The following ATG2B variants were observed in gnomAD, a reference collection of about 807,000 sequenced individuals.
ATG2B encodes the protein autophagy-related protein 2 homolog B.
A neutral mutation model predicts 241.3 loss-of-function variants in ATG2B; 121 were observed. That is an observed-to-expected ratio of 0.50 (90% confidence interval 0.43 to 0.58). The LOEUF (loss-of-function observed/expected upper bound fraction) is 0.58, where lower values mean the gene tolerates loss of function less well. Ranked by LOEUF, ATG2B falls within the 20% of genes least tolerant of loss-of-function variation. The probability of loss-of-function intolerance (pLI) is 0.00; values close to 1 mark genes in which losing one functional copy is unlikely to be tolerated. For synonymous variants in ATG2B, 858 were observed against 876.6 expected (o/e 0.98, Z 0.37); for missense variants, 2,306 against 2,491.6 (o/e 0.93, Z 1.59).
rs750175082 is a variant in ATG2B at position 96,303,205 on chromosome 14, G to A, written c.4893C>T (p.Ser1631=). Residue 1631 remains serine, a synonymous_variant, in exon 33 of 42, where the codon TCC becomes TCT. Coordinates refer to ENST00000359933, the MANE Select transcript of ATG2B (RefSeq NM_018036.7). ...VYPPCKPDCD[S]SLSEHPVSRQ... ...GGGAGACTGGGTGTTCTGAGAGGCT[G>A]GAATCACAATCAGGTTTGCATGGCG... 17 of 1,609,558 alleles carry A rather than the reference G, an allele frequency of 1.1e-5. No homozygotes were observed. The highest frequency in any genetic ancestry group is 1.7e-5 in the Admixed American group (1 of 59,370).
At chr14:96,304,401 G>A in intron 32 of ATG2B, 94 bp downstream of exon 32, 1 of 850,694 alleles carries the variant, frequency 1.2e-6, no homozygotes, top group South Asian at 1.6e-5. Context: ...AAAGGGTTGG[G>A]ACTTAAGGCT....
At chr14:96,315,652 G>T in intron 21 of ATG2B, 69 bp from the exon 22 acceptor site, 1 of 1,269,046 alleles carries the variant, frequency 7.9e-7, no homozygotes, top group Middle Eastern at 1.9e-4. Context: ...CAACTTACAT[G>T]ACTCAAAACA....
rs10454690 is a variant in ATG2B, at chr14:96,291,024, T to A, written c.5580-89A>T. ...AGGGTTTTTTTTTACTTAAAACAAA[T>A]TCTACAAATTATAAGGGCAAATATT... On this transcript the variant is annotated intron_variant, in intron 38 of 41. Transcript: ENST00000359933. 872,484 of 1,191,558 alleles carry A rather than the reference T, an allele frequency of 0.73. 321,437 individuals carry two copies. Among genetic ancestry groups the A allele is most frequent in the African/African-American group, 0.9 (57,955 of 64,682 alleles). The allele number at this position is 1,191,558 out of a possible 1,614,324, so 73.8% of individuals were successfully genotyped here.
intron 41 of ATG2B, among the ~76,000 whole-genome samples, chr14:96,288,893 T>G (rs757059672): frequency 6.6e-5 from 10 of 151,268 alleles, no homozygotes; most frequent in Non-Finnish European, 1.5e-4. Flanking sequence ...ATTCCAACGG[T>G]TACTCCCCAG....
intron 35 of ATG2B, 115 bp from the exon 36 acceptor site, chr14:96,295,282 T>C: frequency 1.9e-6 from 2 of 1,070,744 alleles, no homozygotes; most frequent in Non-Finnish European, 2.7e-6. Flanking sequence ...AATACGATTC[T>C]TGTTACAGAG....
chr14:96,290,135 CT>C lies in ATG2B; in HGVS notation c.5856+300del. 1 of 1,245,140 alleles carries C rather than the reference CT, an allele frequency of 8.0e-7. No individual in the cohort carries two copies. Among genetic ancestry groups the C allele is most frequent in the Middle Eastern group, 2.1e-4 (1 of 4,762 alleles). The allele number at this position is 1,245,140 out of a possible 1,614,324, so 77.1% of individuals were successfully genotyped here. A position where few individuals can be genotyped will look rare whatever the true frequency, so the allele number is the denominator to read the frequency against. On this transcript the variant is annotated intron_variant, in intron 40 of 41. Transcript: ENST00000359933. The surrounding 1 kb of genome is among the most constrained non-coding windows in gnomAD (Gnocchi z 4.4). ...AATACTTCTGTTTAATCTACAACGC[CT>C]TCTTCAAATTTAGCTACGATCCTTT...
intron 34 of ATG2B, among the ~76,000 whole-genome samples, chr14:96,299,708 C>A (rs538440367): frequency 5.7e-4 from 87 of 152,312 alleles, no homozygotes; most frequent in African/African-American, 2.0e-3. Flanking sequence ...TGCTTACTGC[C>A]TGCCCTAAGG....
At chr14:96,325,308 G>C (rs1005308865) in intron 15 of ATG2B, among the ~76,000 whole-genome samples, 1 of 152,086 alleles carries the variant, frequency 6.6e-6, no homozygotes, top group Non-Finnish European at 1.5e-5. Context: ...CAAGTGCTTA[G>C]CATAATATTT....
intron 1 of ATG2B, among the ~76,000 whole-genome samples, chr14:96,350,123 T>A (rs184893312): frequency 4.6e-5 from 7 of 152,030 alleles, no homozygotes; most frequent in African/African-American, 1.7e-4. Context: ...GCCCCTATAC[T>A]CCAGTCTGAG....
At chr14:96,298,013 T>G (rs529042224) in intron 34 of ATG2B, among the ~76,000 whole-genome samples, 27 of 152,210 alleles carry the variant, frequency 1.8e-4, no homozygotes, top group African/African-American at 6.5e-4. Flanking sequence ...CAGGCTGATC[T>G]TGAACTTCTA....
intron 34 of ATG2B, among the ~76,000 whole-genome samples, chr14:96,296,546 G>C (rs1412328552): frequency 6.6e-6 from 1 of 151,998 alleles, no homozygotes; most frequent in African/African-American, 2.4e-5. Context: ...CAGATCATGA[G>C]GTCAGGAGTT....
At chr14:96,306,166 G>A (rs888626071) in intron 30 of ATG2B, among the ~76,000 whole-genome samples, 6 of 152,218 alleles carry the variant, frequency 3.9e-5, no homozygotes, top group East Asian at 3.9e-4. Flanking sequence ...ACATATGGAT[G>A]ATATTACCAT....
rs370784474 is a variant in ATG2B at position 96,341,505 on chromosome 14, G to A, written c.924+17C>T. 2 of 1,547,412 alleles carry A rather than the reference G, an allele frequency of 1.3e-6. No homozygotes were observed. Among genetic ancestry groups the A allele is most frequent in the African/African-American group, 2.8e-5 (2 of 72,448 alleles). ...TTTTATTTTGGTTTTACTACAGAAAGTGAAACAAACACTGACCTTAGCTCC... is the reference window on the plus strand; with the variant it reads ...TTTTATTTTGGTTTTACTACAGAAAATGAAACAAACACTGACCTTAGCTCC... On this transcript the variant is annotated intron_variant, in intron 6 of 41. Transcript: ENST00000359933.
rs72704893 is a variant in ATG2B at position 96,340,246 on chromosome 14, T to C, written c.924+1276A>G. Reference sequence around the variant, plus strand: ...GTGTGTGTGTGTGTATTTATATATATGGACTCATCCTATATATGGACCCAT... The same window carrying C: ...GTGTGTGTGTGTGTATTTATATATACGGACTCATCCTATATATGGACCCAT... On this transcript the variant is annotated intron_variant, in intron 6 of 41. Transcript: ENST00000359933. Among the ~76,000 whole-genome samples the C allele has an allele frequency of 9.2e-3, 1,302 of 141,352 alleles. 9 individuals are homozygous for C. Among genetic ancestry groups the C allele is most frequent in the East Asian group, 0.02 (100 of 4,938 alleles). 92.7% of individuals were successfully genotyped at this position (141,352 alleles called of 152,430 possible).
chr14:96,361,294 CAATA>C (rs1888621088), intron 1 of ATG2B, among the ~76,000 whole-genome samples: 1 of 152,166 alleles, frequency 6.6e-6, no homozygotes, highest in South Asian at 2.1e-4. Flanking sequence ...AATACATACT[CAATA>C]AACATTAACT....
Position 96,362,832 on chromosome 14 carries a change from C to T in ATG2B, c.145G>A (p.Val49Ile). ...GCTCTTACCCATTTGTCCAAGGGGA[C>T]CTGGGCGAGGGACCCGGTGCCTTGG... ...LYQGTGSLAQ[V>I]PLDKWCLNEI... The change falls in exon 1 of 42, where the codon GTC becomes ATC. Residue 49 changes from valine to isoleucine, a missense_variant. By Grantham distance (29) the Val-to-Ile change is conservative. Around this residue, in one of 2 missense-constraint regions of ATG2B, gnomAD observed 1,927 missense variants for 2,011.2 expected, o/e 0.96. Coordinates refer to ENST00000359933, the MANE Select transcript of ATG2B (RefSeq NM_018036.7). 6 of 1,609,446 alleles carry T rather than the reference C, an allele frequency of 3.7e-6. No homozygotes were observed. Among genetic ancestry groups the T allele is most frequent in the Non-Finnish European group, 5.1e-6 (6 of 1,177,506 alleles).
Position 96,331,631 on chromosome 14 carries a change from G to A in ATG2B, c.1475C>T (p.Pro492Leu). Reference protein sequence around the residue: ...HPTPLQKTSLPSRSVSVDESR... With the variant: ...HPTPLQKTSLLSRSVSVDESR... ...TTCATCCACTGAAACAGATCTAGAT[G>A]GGAGAGCTAAAATACAAGTATTAAA... The change falls in exon 11 of 42, where the codon CCA becomes CTA. Residue 492 changes from proline to leucine, a missense_variant. By Grantham distance (98) the Pro-to-Leu change is moderately conservative. Transcript: ENST00000359933. 6.3e-7 allele frequency: 1 copy of A among 1,589,780 alleles called. No homozygotes were observed. The highest frequency in any genetic ancestry group is 1.7e-4 in the Middle Eastern group (1 of 5,914).
chr14:96,354,714 G>A (rs1888426893), intron 1 of ATG2B, among the ~76,000 whole-genome samples: 1 of 152,118 alleles, frequency 6.6e-6, no homozygotes, highest in Non-Finnish European at 1.5e-5. Flanking sequence ...TTCCATAATG[G>A]TTAAACTAAT....
chr14:96,332,802 T>C (rs1030777634), intron 8 of ATG2B, 147 bp from the exon 9 acceptor site: 14 of 496,566 alleles, frequency 2.8e-5, no homozygotes, highest in Non-Finnish European at 4.2e-5. Context: ...TACAGTGGTG[T>C]AATTTATGAG....
Sources: allele counts gnomAD v4.1 joint callset (sites outside exome capture counted in the v4.1 genomes callset), GRCh38; gene constraint gnomAD v4.1.1; regional missense constraint gnomAD v4.1.1; non-coding constraint Gnocchi (gnomAD v3.1); transcripts MANE v1.5; gene names NCBI Gene and HGNC (gene_info 2026-07-23, HGNC 2026-07-21).